Variants in CD2AP observed in about 807,000 individuals in gnomAD.
The protein encoded by CD2AP is CD2-associated protein.
Under a neutral mutation model 85.1 loss-of-function variants are expected in CD2AP, and 46 were observed. The observed-to-expected ratio is 0.54, with a 90% CI of 0.43 to 0.69. CD2AP has a LOEUF of 0.69. Ranked by LOEUF, CD2AP falls within the 30% of genes least tolerant of loss-of-function variation. The pLI is 0.00. For synonymous variants in CD2AP, 255 were observed against 252.9 expected (o/e 1.01, Z -0.08); for missense variants, 769 against 729.5 (o/e 1.05, Z -0.62).
chr6:47,612,359 C>A, intron 16 of CD2AP, 114 bp from the exon 17 acceptor site: 1 of 697,250 alleles, frequency 1.4e-6, no homozygotes, highest in Non-Finnish European at 2.6e-6. Flanking sequence ...TTGCTATTGC[C>A]CTTAAAAAGT....
intron 4 of CD2AP, among the ~76,000 whole-genome samples, chr6:47,548,977 G>T (rs1767441411): frequency 6.6e-6 from 1 of 152,068 alleles, no homozygotes; most frequent in Non-Finnish European, 1.5e-5. Flanking sequence ...AATAGATGCA[G>T]AAAAAACATT....
At chr6:47,532,240 A>T (rs1769198971) in intron 2 of CD2AP, among the ~76,000 whole-genome samples, 1 of 151,538 alleles carries the variant, frequency 6.6e-6, no homozygotes. Flanking sequence ...GTACTTCGGG[A>T]GGCAGGGTGG....
chr6:47,566,042 C>T (rs968341775), intron 5 of CD2AP, among the ~76,000 whole-genome samples: 5 of 151,918 alleles, frequency 3.3e-5, no homozygotes, highest in East Asian at 1.9e-4. Flanking sequence ...AGGAACATTC[C>T]TCTCTCACAG....
chr6:47,574,634 T>A (rs1326412952), intron 6 of CD2AP, among the ~76,000 whole-genome samples: 1 of 150,430 alleles, frequency 6.6e-6, no homozygotes, highest in Non-Finnish European at 1.5e-5. Context: ...TAAAATGGAC[T>A]GTTTTTAAAA....
chr6:47,585,549 G>A (rs1768602549), intron 11 of CD2AP, among the ~76,000 whole-genome samples: 2 of 152,164 alleles, frequency 1.3e-5, no homozygotes, highest in South Asian at 4.1e-4. Context: ...CAGAAAGGAG[G>A]AAGCCAAACA....
chr6:47,538,784 T>G (rs1047102369), intron 3 of CD2AP, among the ~76,000 whole-genome samples: 2 of 152,206 alleles, frequency 1.3e-5, no homozygotes, highest in Non-Finnish European at 2.9e-5. Context: ...ATTTAAGAGC[T>G]TTGTTTGATC....
At chr6:47,503,501 A>C in intron 2 of CD2AP, 61 bp downstream of exon 2, 2 of 1,339,178 alleles carry the variant, frequency 1.5e-6, no homozygotes, top group South Asian at 2.4e-5. Context: ...TTAAATGTTA[A>C]GAAATAGATA....
At chr6:47,481,899 A>G (rs1483382947) in intron 1 of CD2AP, among the ~76,000 whole-genome samples, 2 of 152,188 alleles carry the variant, frequency 1.3e-5, no homozygotes, top group East Asian at 1.9e-4. Context: ...AGCCAGGGCT[A>G]CAGGTGCACA....
chr6:47,595,040 C>A (rs1425520076), intron 11 of CD2AP, among the ~76,000 whole-genome samples: 1 of 151,846 alleles, frequency 6.6e-6, no homozygotes, highest in African/African-American at 2.4e-5. Flanking sequence ...CGTCTTAAGA[C>A]ACATTTTAGC....
chr6:47,483,855 A>C (rs1186348192), intron 1 of CD2AP, among the ~76,000 whole-genome samples: 3 of 144,468 alleles, frequency 2.1e-5, no homozygotes, highest in Non-Finnish European at 4.5e-5. Context: ...TTTCATACCC[A>C]ATGTGAAGCA....
Position 47,495,712 on chromosome 6 carries a change from C to G in CD2AP, c.5-7568C>G, listed in dbSNP as rs1442024760. Among the ~76,000 whole-genome samples the G allele has an allele frequency of 2.0e-5, 3 of 152,118 alleles. No homozygotes were observed. In the East Asian group the frequency reaches 5.8e-4, roughly 29 times the overall value. On this transcript the variant is annotated intron_variant, in intron 1 of 17. Coordinates refer to ENST00000359314, the MANE Select transcript of CD2AP (RefSeq NM_012120.3). The stretch of plus-strand genomic sequence containing the variant: ...TTAAATGATTTTCAGTTGGTTTAGC[C>G]TTTTTCTTGTAAGGGTGGGAGTGAT...
At chr6:47,561,089 A>G (rs974159556) in intron 5 of CD2AP, among the ~76,000 whole-genome samples, 2 of 152,186 alleles carry the variant, frequency 1.3e-5, no homozygotes, top group East Asian at 3.8e-4. Flanking sequence ...TTTGCTAGTG[A>G]GAGTTCCTTC....
chr6:47,579,371 ATTTTGCTTT>A lies in CD2AP; in HGVS notation c.904-11_904-3del. The stretch of plus-strand genomic sequence containing the variant: ...AAAGGTCTATTGTCTTAATTATTCT[ATTTTGCTTT>A]TTAGGAGACTGGAGAAGCTGGCTGG... On this transcript the variant is annotated splice_region_variant and splice_polypyrimidine_tract_variant and intron_variant, in intron 8 of 17. Transcript: ENST00000359314. The A allele has an allele frequency of 7.2e-7, 1 of 1,384,568 alleles. No individual in the cohort carries two copies. The highest frequency in any genetic ancestry group is 1.0e-6 in the Non-Finnish European group (1 of 972,464). The allele number at this position is 1,384,568 out of a possible 1,614,324, so 85.8% of individuals were successfully genotyped here.
chr6:47,598,238 A>G (rs1769002459), intron 12 of CD2AP, among the ~76,000 whole-genome samples: 1 of 151,054 alleles, frequency 6.6e-6, no homozygotes. Flanking sequence ...TAAATCAAAA[A>G]ATCAAAAAAT....
At chr6:47,532,777 C>T (rs1012801880) in intron 2 of CD2AP, among the ~76,000 whole-genome samples, 3 of 152,118 alleles carry the variant, frequency 2.0e-5, no homozygotes, top group Non-Finnish European at 2.9e-5. Context: ...TAAATTGCTA[C>T]TCCAAATTTT....
intron 16 of CD2AP, chr6:47,609,524 A>AG (rs1769370738): frequency 2.6e-6 from 1 of 382,362 alleles, no homozygotes. Context: ...AAAAAAAAAA[A>AG]AAAAAAAGAA....
At chr6:47,580,960 T>C in intron 10 of CD2AP, 60 bp downstream of exon 10, 1 of 1,136,472 alleles carries the variant, frequency 8.8e-7, no homozygotes, top group Admixed American at 1.7e-5. Flanking sequence ...TCTAAAATGG[T>C]AAAATTGGAT....
chr6:47,587,818 TAC>T (rs776917467), intron 11 of CD2AP, among the ~76,000 whole-genome samples: 3 of 152,276 alleles, frequency 2.0e-5, no homozygotes, highest in Non-Finnish European at 4.4e-5. Flanking sequence ...TATACACACA[TAC>T]ACAGTCATAC....
At chr6:47,602,531 A>G (rs1769167923) in intron 13 of CD2AP, among the ~76,000 whole-genome samples, 1 of 151,740 alleles carries the variant, frequency 6.6e-6, no homozygotes, top group Non-Finnish European at 1.5e-5. Flanking sequence ...AGAAAGCCCA[A>G]CTGATGAAGT....
Sources: allele counts gnomAD v4.1 joint callset (sites outside exome capture counted in the v4.1 genomes callset), GRCh38; gene constraint gnomAD v4.1.1; transcripts MANE v1.5; gene names NCBI Gene and HGNC (gene_info 2026-07-23, HGNC 2026-07-21).